The following DDHD1 variants were observed in gnomAD, a reference collection of about 807,000 sequenced individuals.
DDHD1 encodes DDHD domain containing 1.
Under a neutral mutation model 96.4 loss-of-function variants are expected in DDHD1, and 49 were observed. The ratio of observed to expected loss-of-function variants is 0.51; its 90% CI spans 0.40 to 0.64. DDHD1 has a LOEUF of 0.64. DDHD1 is among the 30% of genes least tolerant of loss of function. The pLI is 0.00. For missense variants in DDHD1, 1,106 were observed against 1,161.2 expected, an observed-to-expected ratio of 0.95 and a Z score of 0.69; for synonymous variants, 442 against 446.5, an observed-to-expected ratio of 0.99 and a Z score of 0.13.
intron 12 of DDHD1, chr14:53,048,985 C>T (rs976482484): frequency 2.0e-5 from 3 of 152,208 alleles, no homozygotes; most frequent in Non-Finnish European, 2.9e-5. Flanking sequence ...TAGTCCAACA[C>T]TCTTTAGTTA....
intron 1 of DDHD1, among the ~76,000 whole-genome samples, chr14:53,146,931 G>GTT (rs1157662966): frequency 9.7e-5 from 14 of 144,932 alleles, no homozygotes; most frequent in Admixed American, 1.4e-4. Context: ...AATGCTGACA[G>GTT]TTTTTTTTTT....
In DDHD1 at chr14:53,058,186, G is replaced by A. The variant is rs143996291; in HGVS notation, c.1992+291C>T. On this transcript the variant is annotated intron_variant, in intron 9 of 12. Coordinates refer to ENST00000673822, the MANE Select transcript of DDHD1 (RefSeq NM_001160148.2). ...TCTCACTACTCTGTCACCCAAGCTG[G>A]AGTGCAGTGGCATGATCTTGGCTCA... Among the ~76,000 whole-genome samples the A allele has an allele frequency of 7.9e-3, 1,194 of 152,044 alleles. 4 individuals are homozygous for A. Among genetic ancestry groups the A allele is most frequent in the Non-Finnish European group, 0.011 (717 of 68,000 alleles).
At chr14:53,145,092 G>A (rs551296910) in intron 1 of DDHD1, among the ~76,000 whole-genome samples, 12 of 152,162 alleles carry the variant, frequency 7.9e-5, no homozygotes, top group Non-Finnish European at 1.6e-4. Context: ...GGAGGTTGCA[G>A]TGAGCCGAGA....
At position 53,082,212 on chromosome 14, in the gene DDHD1, A is replaced by G. The variant is rs1885525199; in HGVS notation, c.1290-8365T>C. 2.6e-5 allele frequency among the ~76,000 whole-genome samples: 4 copies of G among 152,156 alleles called. No individual in the cohort carries two copies. In the South Asian group the frequency reaches 8.3e-4, roughly 32 times the overall value. On this transcript the variant is annotated intron_variant, in intron 4 of 12. Transcript: ENST00000673822. The stretch of plus-strand genomic sequence containing the variant: ...AATTTCCATGTTCTCTGAGCAATGA[A>G]TGTTTACTTCATATTGTAAGAAGAG...
chr14:53,046,947 C>T lies in DDHD1; in HGVS notation c.2524G>A (p.Glu842Lys). 1.9e-6 allele frequency: 3 copies of T among 1,599,164 alleles called. No individual in the cohort carries two copies. Among genetic ancestry groups the T allele is most frequent in the Non-Finnish European group, 2.6e-6 (3 of 1,174,110 alleles). The change falls in exon 13 of 13, where the codon GAG becomes AAG. Residue 842 changes from glutamate to lysine, a missense_variant and splice_region_variant. Physicochemically the swap from Glu to Lys is moderately conservative, Grantham distance 56. This residue lies in a region of DDHD1 where 650 missense variants were observed against 758.8 expected (regional missense o/e 0.86). Coordinates refer to ENST00000673822, the MANE Select transcript of DDHD1 (RefSeq NM_001160148.2). ...VMQNKDNALVELDHRIDFELR... is the reference protein window; with the variant it reads ...VMQNKDNALVKLDHRIDFELR... ...TCAAAATCAATCCTGTGATCCAACT[C>T]CACTAAAAAGAAAAGAAGTTAAACA...
At chr14:53,115,606 A>T (rs1471760880) in intron 1 of DDHD1, among the ~76,000 whole-genome samples, 1 of 152,204 alleles carries the variant, frequency 6.6e-6, no homozygotes, top group Non-Finnish European at 1.5e-5. Flanking sequence ...TGCAACCCGG[A>T]ATTTCATATC....
intron 4 of DDHD1, among the ~76,000 whole-genome samples, chr14:53,089,234 A>G (rs188285909): frequency 6.6e-6 from 1 of 152,344 alleles, no homozygotes; most frequent in East Asian, 1.9e-4. Flanking sequence ...AAATGGTCAT[A>G]ATGCCAAAAG....
chr14:53,149,403 T>TAA (rs1400244946), intron 1 of DDHD1, among the ~76,000 whole-genome samples: 1 of 152,026 alleles, frequency 6.6e-6, no homozygotes, highest in Non-Finnish European at 1.5e-5. Context: ...AAAGGAAAAG[T>TAA]AAAATGGGGG....
intron 1 of DDHD1, among the ~76,000 whole-genome samples, chr14:53,122,634 G>A (rs1257739621): frequency 6.7e-6 from 1 of 149,498 alleles, no homozygotes; most frequent in Non-Finnish European, 1.5e-5. Flanking sequence ...CTGGAGTGCA[G>A]TGGTGCGATC....
chr14:53,127,466 T>A (rs1450262085), intron 1 of DDHD1, among the ~76,000 whole-genome samples: 1 of 152,230 alleles, frequency 6.6e-6, no homozygotes, highest in South Asian at 2.1e-4. Context: ...TGAAAGTACT[T>A]TGTAAACTAC....
At chr14:53,065,301 T>C (rs1292729550) in intron 6 of DDHD1, among the ~76,000 whole-genome samples, 1 of 152,218 alleles carries the variant, frequency 6.6e-6, no homozygotes, top group African/African-American at 2.4e-5. Context: ...GAAATTGTAA[T>C]GAGAAAATGT....
At chr14:53,090,619 C>T (rs1365090574) in intron 4 of DDHD1, among the ~76,000 whole-genome samples, 1 of 152,132 alleles carries the variant, frequency 6.6e-6, no homozygotes, top group East Asian at 1.9e-4. Flanking sequence ...CAAACTATCG[C>T]AAGGACAGAA....
intron 1 of DDHD1, among the ~76,000 whole-genome samples, chr14:53,137,303 C>T (rs571959267): frequency 6.6e-6 from 1 of 152,122 alleles, no homozygotes; most frequent in East Asian, 1.9e-4. Flanking sequence ...AAGAAAATAA[C>T]AGGGCAGGCC....
At chr14:53,105,687 C>T (rs966463240) in intron 1 of DDHD1, among the ~76,000 whole-genome samples, 1 of 152,020 alleles carries the variant, frequency 6.6e-6, no homozygotes, top group African/African-American at 2.4e-5. Context: ...TTTTATATGT[C>T]TCTTGTGTAA....
At chr14:53,083,520 G>C (rs1885676144) in intron 4 of DDHD1, among the ~76,000 whole-genome samples, 1 of 152,124 alleles carries the variant, frequency 6.6e-6, no homozygotes, top group Admixed American at 6.5e-5. Context: ...CTGGAACAAA[G>C]GTGATTGAAG....
At position 53,046,929 on chromosome 14, in the gene DDHD1, C is replaced by A. The variant is rs1211698885; in HGVS notation, c.2542G>T (p.Asp848Tyr). Reference protein sequence around the residue: ...NALVELDHRIDFELREGLVES... With the variant: ...NALVELDHRIYFELREGLVES... ...ACAAGGCCTTCTCTGAGTTCAAAAT[C>A]AATCCTGTGATCCAACTCCACTAAA... Residue 848 changes from aspartate (D) to tyrosine (Y), a missense_variant, in exon 13 of 13, where the codon GAT becomes TAT. Around this residue, in one of 2 missense-constraint regions of DDHD1, gnomAD observed 650 missense variants for 758.8 expected, o/e 0.86. Transcript: ENST00000673822. 1.9e-6 allele frequency: 3 copies of A among 1,608,354 alleles called. No homozygotes were observed. The highest frequency in any genetic ancestry group is 1.3e-5 in the African/African-American group (1 of 74,728).
intron 4 of DDHD1, among the ~76,000 whole-genome samples, chr14:53,077,826 AC>A (rs1045513943): frequency 1.3e-5 from 2 of 152,046 alleles, no homozygotes; most frequent in Admixed American, 6.6e-5. Context: ...ACCTGCCAGC[AC>A]CCACTAATCT....
chr14:53,120,675 C>A (rs1888916571), intron 1 of DDHD1, among the ~76,000 whole-genome samples: 1 of 152,146 alleles, frequency 6.6e-6, no homozygotes, highest in Non-Finnish European at 1.5e-5. Context: ...TTTGACAAAC[C>A]TGACTATAAT....
intron 1 of DDHD1, among the ~76,000 whole-genome samples, chr14:53,104,665 A>G (rs1261190510): frequency 1.3e-5 from 2 of 152,138 alleles, no homozygotes; most frequent in Admixed American, 6.5e-5. Context: ...CTTTTGATGA[A>G]ACACTATTCC....
Sources: gnomAD v4.1 joint callset for allele counts (sites outside exome capture counted in the v4.1 genomes callset) on GRCh38, gnomAD v4.1.1 for gene constraint, gnomAD v4.1.1 regional missense constraint, MANE v1.5 for transcripts, NCBI Gene and HGNC (gene_info 2026-07-23, HGNC 2026-07-21) for gene names.